NUP155: variants seen among roughly 807,000 people sequenced by gnomAD.
NUP155 encodes nucleoporin 155.
In NUP155, 71 loss-of-function variants were observed where a neutral mutation model predicts 180.4. That is an observed-to-expected ratio of 0.39 (90% confidence interval 0.33 to 0.48). The LOEUF (loss-of-function observed/expected upper bound fraction) is 0.48. NUP155 is among the 20% of genes least tolerant of loss of function. The pLI, the probability that NUP155 is intolerant of heterozygous loss-of-function variation, is 0.91. For synonymous variants in NUP155, 582 were observed against 559.5 expected (o/e 1.04, Z -0.57); for missense variants, 1,553 against 1,648.9 (o/e 0.94, Z 1.01).
chr5:37,308,888 A>G (rs1743345067), intron 24 of NUP155, among the ~76,000 whole-genome samples: 1 of 150,432 alleles, frequency 6.6e-6, no homozygotes, highest in African/African-American at 2.4e-5. Flanking sequence ...AAAAAAAAAA[A>G]AAAAAAAAAA....
chr5:37,296,297 T>C (rs13186923), intron 32 of NUP155, among the ~76,000 whole-genome samples: 21,124 of 151,992 alleles, frequency 0.14, 1,791 homozygotes, highest in East Asian at 0.3. Context: ...TAGAAAGAGG[T>C]AGACATGGGA....
At position 37,299,408 on chromosome 5, in the gene NUP155, T is replaced by C. The variant is rs767928913; in HGVS notation, c.3682+40A>G. 5 of 1,612,404 alleles carry C rather than the reference T, an allele frequency of 3.1e-6. No homozygotes were observed. In the South Asian group the frequency reaches 5.5e-5, roughly 18 times the overall value. Reference sequence around the variant, plus strand: ...AGCTTGCATTCCTCCACCAAGTCACTACATAACGTATGCTAACATACCTAT... The same window carrying C: ...AGCTTGCATTCCTCCACCAAGTCACCACATAACGTATGCTAACATACCTAT... On this transcript the variant is annotated intron_variant, in intron 31 of 34. Transcript: ENST00000231498.
In NUP155 at chr5:37,328,370, T is replaced by C. The variant is rs1453755620; in HGVS notation, c.1864A>G (p.Thr622Ala). 6.2e-7 allele frequency: 1 copy of C among 1,608,874 alleles called. No homozygotes were observed. The highest frequency in any genetic ancestry group is 8.5e-7 in the Non-Finnish European group (1 of 1,175,312). Residue 622 changes from threonine to alanine, a missense_variant, in exon 17 of 35, where the codon ACA (threonine) becomes GCA (alanine). By Grantham distance (58) the Thr-to-Ala change is moderately conservative. Transcript: ENST00000231498. ...SPYPNPSFLG[T>A]PSHGIQPPAM... ...AGAAAAGAGGTACCATGAGACGGTG[T>C]TCCCAAAAAGGATGGATTTGGATAG...
rs114486369 is a variant in NUP155 at position 37,349,306 on chromosome 5, T to C, written c.830-61A>G. ...TAAACCCAAGGATTAACAAAGCAAA[T>C]ACATTAGCTAGTTACAACAAACTGT... On this transcript the variant is annotated intron_variant, in intron 7 of 34. Transcript: ENST00000231498. 623 of 518,456 alleles carry C rather than the reference T, an allele frequency of 1.2e-3. 2 individuals carry two copies. The highest frequency in any genetic ancestry group is 0.011 in the African/African-American group (531 of 49,552). The allele number at this position is 518,456 out of a possible 1,614,324, so 32.1% of individuals were successfully genotyped here. A position where few individuals can be genotyped will look rare whatever the true frequency, so the allele number is the denominator to read the frequency against.
intron 21 of NUP155, among the ~76,000 whole-genome samples, chr5:37,314,877 A>G (rs1021122363): frequency 2.0e-5 from 3 of 152,124 alleles, no homozygotes; most frequent in African/African-American, 7.2e-5. Flanking sequence ...ATAGAAACCT[A>G]GGGTCCTCAG....
intron 11 of NUP155, 150 bp from the exon 12 acceptor site, chr5:37,338,068 C>A: frequency 1.7e-6 from 1 of 577,158 alleles, no homozygotes. Context: ...TGCCTGTAAT[C>A]CCAGCACTTT....
At chr5:37,344,434 A>C (rs556638149) in intron 9 of NUP155, among the ~76,000 whole-genome samples, 1 of 150,522 alleles carries the variant, frequency 6.6e-6, no homozygotes, top group South Asian at 2.1e-4. Flanking sequence ...TCTAATTATA[A>C]AAAAAGATAT....
rs138533658 is a variant in NUP155, at chr5:37,350,197, A to G, written c.792T>C (p.Leu264=). ...ACGTGAATTGTAGCAAGGAAGGAAC[A>G]AGGAAAGAAAGTGAGCTCTTTGAGT... ...INHSKSSLSF[L]VPSLLQFTFS... is the part of the protein sequence containing the mutation. Residue 264 remains leucine, a synonymous_variant, in exon 7 of 35, where the codon CTT becomes CTC. Coordinates refer to ENST00000231498, the MANE Select transcript of NUP155 (RefSeq NM_153485.3). 11 of 1,613,830 alleles carry G rather than the reference A, an allele frequency of 6.8e-6. No homozygotes were observed. The highest frequency in any genetic ancestry group is 6.7e-5 in the African/African-American group (5 of 74,938).
chr5:37,356,479 C>T (rs969894637), intron 4 of NUP155, among the ~76,000 whole-genome samples: 3 of 151,004 alleles, frequency 2.0e-5, no homozygotes, highest in African/African-American at 4.9e-5. Context: ...CCTGTCTCTA[C>T]TAAAAATATA....
At chr5:37,365,734 A>T (rs1332917955) in intron 1 of NUP155, among the ~76,000 whole-genome samples, 1,091 of 43,780 alleles carry the variant, frequency 0.025, 73 homozygotes, top group African/African-American at 0.061. Flanking sequence ...AAAAAAAAAA[A>T]AAAAATATAT....
intron 27 of NUP155, among the ~76,000 whole-genome samples, chr5:37,304,376 C>T (rs1743036222): frequency 6.6e-6 from 1 of 151,274 alleles, no homozygotes; most frequent in African/African-American, 2.4e-5. Flanking sequence ...TTATCAAATG[C>T]TATGTATTCA....
intron 21 of NUP155, among the ~76,000 whole-genome samples, chr5:37,315,631 T>C (rs1743835284): frequency 6.7e-6 from 1 of 150,280 alleles, no homozygotes; most frequent in African/African-American, 2.5e-5. Context: ...CCCTTGTGCA[T>C]TGCTACTAGA....
At chr5:37,347,501 G>A (rs904673451) in intron 9 of NUP155, among the ~76,000 whole-genome samples, 2 of 150,896 alleles carry the variant, frequency 1.3e-5, no homozygotes, top group African/African-American at 4.9e-5. Flanking sequence ...TTCGAGACCA[G>A]CCTGACCAAC....
intron 28 of NUP155, 95 bp from the exon 29 acceptor site, chr5:37,303,003 A>G: frequency 7.4e-7 from 1 of 1,348,334 alleles, no homozygotes; most frequent in South Asian, 1.2e-5. Context: ...TACCAAACAC[A>G]CATAAAAAGC....
intron 34 of NUP155, among the ~76,000 whole-genome samples, chr5:37,292,598 A>C (rs1412132155): frequency 6.6e-6 from 1 of 152,176 alleles, no homozygotes; most frequent in Admixed American, 6.5e-5. Context: ...TTAAATGGCC[A>C]ATAATATCAC....
At chr5:37,294,276 A>G in intron 33 of NUP155, 53 bp downstream of exon 33, 1 of 1,276,762 alleles carries the variant, frequency 7.8e-7, no homozygotes, top group Middle Eastern at 2.6e-4. Context: ...CTATATCTAC[A>G]AAGTTACTTT....
intron 1 of NUP155, among the ~76,000 whole-genome samples, 200 bp from the exon 2 acceptor site, chr5:37,364,584 G>A (rs1747428722): frequency 6.6e-6 from 1 of 151,740 alleles, no homozygotes; most frequent in African/African-American, 2.4e-5. Context: ...GGCCTAAAGG[G>A]AAAGTCATAT....
chr5:37,339,031 T>C (rs1745538789), intron 11 of NUP155, among the ~76,000 whole-genome samples: 1 of 151,958 alleles, frequency 6.6e-6, no homozygotes, highest in South Asian at 2.1e-4. Flanking sequence ...TGAATAAAAA[T>C]GATGAAGGTG....
At chr5:37,335,357 C>A (rs1251484821) in intron 12 of NUP155, among the ~76,000 whole-genome samples, 3 of 136,598 alleles carry the variant, frequency 2.2e-5, no homozygotes, top group Non-Finnish European at 3.1e-5. Flanking sequence ...CCACTCCAGG[C>A]AACAGAGCAA....
Sources: allele counts gnomAD v4.1 joint callset (sites outside exome capture counted in the v4.1 genomes callset), GRCh38; gene constraint gnomAD v4.1.1; transcripts MANE v1.5; gene names NCBI Gene and HGNC (gene_info 2026-07-23, HGNC 2026-07-21).